LRRC4C: variants seen among roughly 807,000 people sequenced by gnomAD.
The protein encoded by LRRC4C is leucine rich repeat containing 4C.
In LRRC4C, 5 loss-of-function variants were observed where a neutral mutation model predicts 33.6. The ratio of observed to expected loss-of-function variants is 0.15; its 90% CI spans 0.08 to 0.31. The LOEUF (loss-of-function observed/expected upper bound fraction) is 0.31. Among genes scored for constraint, LRRC4C ranks in the 10% least tolerant of loss-of-function variants. The pLI is 1.00. For synonymous variants in LRRC4C, 329 were observed against 302.0 expected (o/e 1.09, Z -0.93); for missense variants, 560 against 796.7 (o/e 0.70, Z 3.58).
intron 3 of LRRC4C, among the ~76,000 whole-genome samples, chr11:40,449,330 GCAAAA>G (rs1433234774): frequency 7.6e-6 from 1 of 132,336 alleles, no homozygotes; most frequent in Non-Finnish European, 1.6e-5. Context: ...ACAAAACAAA[GCAAAA>G]CAAAAGAAGC....
chr11:41,346,367 C>A (rs1353590672), intron 1 of LRRC4C, among the ~76,000 whole-genome samples: 2 of 152,192 alleles, frequency 1.3e-5, no homozygotes, highest in East Asian at 3.9e-4. Context: ...AATAAATAAA[C>A]AAACATAAAA....
intron 1 of LRRC4C, among the ~76,000 whole-genome samples, chr11:41,270,655 C>A (rs1216978221): frequency 2.0e-5 from 3 of 152,120 alleles, no homozygotes; most frequent in African/African-American, 7.2e-5. Flanking sequence ...ATTTTCTCTT[C>A]TTCAGTCCTC....
chr11:40,528,297 TA>T (rs1956137214), intron 3 of LRRC4C, among the ~76,000 whole-genome samples: 1 of 152,060 alleles, frequency 6.6e-6, no homozygotes, highest in African/African-American at 2.4e-5. Flanking sequence ...AGTTAACATC[TA>T]AAATATATTA....
intron 1 of LRRC4C, among the ~76,000 whole-genome samples, chr11:41,063,039 C>G (rs1238844083): frequency 1.3e-5 from 2 of 152,138 alleles, no homozygotes; most frequent in African/African-American, 4.8e-5. Flanking sequence ...GTGATAATTT[C>G]TTATGACAAC....
At chr11:40,943,747 T>C (rs1393331774) in intron 1 of LRRC4C, among the ~76,000 whole-genome samples, 2 of 152,148 alleles carry the variant, frequency 1.3e-5, no homozygotes, top group East Asian at 3.9e-4. Context: ...CACACATTAG[T>C]CTCTTCATTC....
intron 1 of LRRC4C, among the ~76,000 whole-genome samples, chr11:41,364,365 A>G (rs1425047367): frequency 6.6e-6 from 1 of 152,056 alleles, no homozygotes; most frequent in African/African-American, 2.4e-5. Flanking sequence ...TCCAACCTCC[A>G]TCTCCCAGGT....
intron 3 of LRRC4C, among the ~76,000 whole-genome samples, chr11:40,564,957 C>G (rs1957695496): frequency 6.6e-6 from 1 of 152,150 alleles, no homozygotes; most frequent in African/African-American, 2.4e-5. Context: ...TGGACACATG[C>G]AGCCTGAGAC....
intron 1 of LRRC4C, among the ~76,000 whole-genome samples, chr11:41,235,666 C>T (rs1190508761): frequency 6.6e-6 from 1 of 152,050 alleles, no homozygotes; most frequent in African/African-American, 2.4e-5. Flanking sequence ...TGAATGTAGG[C>T]CATGTAAACA....
intron 1 of LRRC4C, among the ~76,000 whole-genome samples, chr11:41,187,318 C>T (rs1272461850): frequency 5.3e-5 from 8 of 152,134 alleles, no homozygotes; most frequent in African/African-American, 1.4e-4. Context: ...AGTGTCTGGA[C>T]GTTGAGAAGA....
chr11:40,120,024 G>A lies in LRRC4C; in HGVS notation c.-42-3690C>T, dbSNP rs967902249. Among the ~76,000 whole-genome samples, 5 of 152,256 alleles carry A rather than the reference G, an allele frequency of 3.3e-5. No individual in the cohort carries two copies. In the South Asian group the frequency reaches 1.0e-3, roughly 32 times the overall value. ...GCCTTCCCATAAAACCACAATAAAGGCTCTTGCCCACATTTTCTACTGGCT... is the reference window on the plus strand; with the variant it reads ...GCCTTCCCATAAAACCACAATAAAGACTCTTGCCCACATTTTCTACTGGCT... On this transcript the variant is annotated intron_variant, in intron 6 of 6. Coordinates refer to ENST00000528697, the MANE Select transcript of LRRC4C (RefSeq NM_001258419.2).
intron 2 of LRRC4C, among the ~76,000 whole-genome samples, chr11:40,715,750 C>T (rs1421696175): frequency 2.0e-5 from 3 of 152,156 alleles, no homozygotes; most frequent in Non-Finnish European, 4.4e-5. Context: ...TAGGGCTGGG[C>T]GTGGTAGCTC....
chr11:40,226,951 G>T (rs778027567), intron 5 of LRRC4C, among the ~76,000 whole-genome samples: 1 of 152,162 alleles, frequency 6.6e-6, no homozygotes, highest in African/African-American at 2.4e-5. Flanking sequence ...GATGCTGGAA[G>T]ATCTTACATC....
At chr11:40,777,049 G>A (rs1258994154) in intron 2 of LRRC4C, among the ~76,000 whole-genome samples, 1 of 152,092 alleles carries the variant, frequency 6.6e-6, no homozygotes, top group Non-Finnish European at 1.5e-5. Context: ...ATATCTTCTA[G>A]CTATTGATTT....
chr11:40,204,223 C>T (rs1862979919), intron 5 of LRRC4C, among the ~76,000 whole-genome samples: 1 of 152,060 alleles, frequency 6.6e-6, no homozygotes, highest in African/African-American at 2.4e-5. Flanking sequence ...GAGTCCCCTG[C>T]TAGTCCAGGA....
At chr11:40,454,173 T>C (rs1329222449) in intron 3 of LRRC4C, among the ~76,000 whole-genome samples, 1 of 122,896 alleles carries the variant, frequency 8.1e-6, no homozygotes, top group Non-Finnish European at 1.6e-5. Flanking sequence ...TTGATTAAAG[T>C]TTTTTTTTTT....
chr11:40,293,815 C>T (rs1461850918), intron 4 of LRRC4C: 1 of 152,228 alleles, frequency 6.6e-6, no homozygotes, highest in African/African-American at 2.4e-5. Flanking sequence ...TGCGAGGAGA[C>T]GCGTTCTCGG....
chr11:40,574,530 T>C (rs1958107808), intron 3 of LRRC4C, among the ~76,000 whole-genome samples: 5 of 152,140 alleles, frequency 3.3e-5, no homozygotes, highest in Admixed American at 3.3e-4. Context: ...TTAGTACAAA[T>C]GCAGACCTGA....
chr11:40,478,605 C>T (rs1196897806), intron 3 of LRRC4C, among the ~76,000 whole-genome samples: 1 of 152,116 alleles, frequency 6.6e-6, no homozygotes, highest in Non-Finnish European at 1.5e-5. Flanking sequence ...CAGGTTGTTA[C>T]ATAGGTATAC....
chr11:41,130,110 G>T (rs937218100), intron 1 of LRRC4C, among the ~76,000 whole-genome samples: 14 of 151,900 alleles, frequency 9.2e-5, no homozygotes, highest in African/African-American at 3.4e-4. Context: ...TTGACTTTCT[G>T]TGCCTCCTTA....
Sources: allele counts gnomAD v4.1 joint callset (sites outside exome capture counted in the v4.1 genomes callset), GRCh38; gene constraint gnomAD v4.1.1; transcripts MANE v1.5; gene names NCBI Gene and HGNC (gene_info 2026-07-23, HGNC 2026-07-21).